Variants in TTC6 observed in about 807,000 individuals in gnomAD.
The protein encoded by TTC6 is tetratricopeptide repeat domain 6, also known as tetratricopeptide repeat protein 6.
In TTC6, 172 loss-of-function variants were observed where a neutral mutation model predicts 210.4. The ratio of observed to expected loss-of-function variants is 0.82; its 90% CI spans 0.72 to 0.93. TTC6 has a LOEUF of 0.93. Among genes scored for constraint, TTC6 ranks in the 40% least tolerant of loss-of-function variants. TTC6 has a pLI of 0.00. For synonymous variants in TTC6, 804 were observed against 819.6 expected, an observed-to-expected ratio of 0.98 and a Z score of 0.32; for missense variants, 2,414 against 2,318.1, an observed-to-expected ratio of 1.04 and a Z score of -0.85.
intron 1 of TTC6, among the ~76,000 whole-genome samples, chr14:37,600,858 AGTTTT>A (rs57891834): frequency 0.03 from 4,495 of 152,286 alleles, 175 homozygotes; most frequent in African/African-American, 0.09. Flanking sequence ...ATCAGAGGAA[AGTTTT>A]GTTTTAAGAG....
At chr14:37,700,256 G>A (rs2095822362) in intron 4 of TTC6, among the ~76,000 whole-genome samples, 1 of 152,154 alleles carries the variant, frequency 6.6e-6, no homozygotes, top group South Asian at 2.1e-4. Flanking sequence ...AGCCAGTAAT[G>A]TTGTGTTTGG....
intron 5 of TTC6, among the ~76,000 whole-genome samples, chr14:37,712,597 A>G (rs1043142091): frequency 6.6e-6 from 1 of 152,208 alleles, no homozygotes; most frequent in Non-Finnish European, 1.5e-5. Flanking sequence ...CAGGAAACTT[A>G]CAATCATGGT....
chr14:37,647,110 A>G (rs1446833273), intron 1 of TTC6, among the ~76,000 whole-genome samples: 1 of 152,198 alleles, frequency 6.6e-6, no homozygotes, highest in Non-Finnish European at 1.5e-5. Context: ...AGAAATTTCT[A>G]AATGTTCTCT....
intron 1 of TTC6, among the ~76,000 whole-genome samples, chr14:37,645,674 G>A (rs577971373): frequency 1.3e-5 from 2 of 152,256 alleles, no homozygotes; most frequent in South Asian, 4.1e-4. Context: ...CCAGGCAGAG[G>A]GAGGAGATAG....
At chr14:37,701,648 G>A in intron 5 of TTC6, 122 bp downstream of exon 7, 2 of 938,840 alleles carry the variant, frequency 2.1e-6, no homozygotes, top group East Asian at 2.8e-5. Flanking sequence ...GGAGGGAGCA[G>A]TTTTTGTTTT....
intron 26 of TTC6, among the ~76,000 whole-genome samples, chr14:37,820,899 C>T (rs1256675953): frequency 4.0e-5 from 6 of 150,762 alleles, no homozygotes; most frequent in South Asian, 4.2e-4. Flanking sequence ...TCCTCCTTCT[C>T]CTCCTTCTCC....
In TTC6 at chr14:37,598,842, A is replaced by G. The variant is rs1437294629; in HGVS notation, c.-235+2834A>G. Among the ~76,000 whole-genome samples the G allele has an allele frequency of 1.3e-5, 2 of 151,780 alleles. No individual in the cohort carries two copies. Among genetic ancestry groups the G allele is most frequent in the East Asian group, 3.9e-4 (2 of 5,136 alleles). On this transcript the variant is annotated intron_variant, in intron 1 of 2. Transcript: ENST00000556845. This position sits in a 1 kb window ranked among gnomAD's most constrained non-coding sequence, Gnocchi z 4.9. ...CCTCGCCTGCCCCCTTTCCTTGCCT[A>G]CCCTTCCCTGGACGGGGTTGTTGTC...
chr14:37,703,728 G>A (rs965673399), intron 5 of TTC6, among the ~76,000 whole-genome samples: 2 of 152,050 alleles, frequency 1.3e-5, no homozygotes, highest in Admixed American at 6.6e-5. Flanking sequence ...TATTTGAACA[G>A]CGGTGTAGTG....
At chr14:37,622,693 C>T in exon 1 of TTC6, 1 of 1,535,102 alleles carries the variant, frequency 6.5e-7, no homozygotes, top group Non-Finnish European at 8.7e-7. Context: ...TCCGTCTCCG[C>T]AGAGGACGGC....
intron 5 of TTC6, among the ~76,000 whole-genome samples, chr14:37,704,553 G>A (rs2095831781): frequency 6.6e-6 from 1 of 151,820 alleles, no homozygotes; most frequent in Non-Finnish European, 1.5e-5. Context: ...TTCCTTTTGA[G>A]AATTACCAGA....
chr14:37,605,590 C>T (rs1189027804), intron 1 of TTC6, among the ~76,000 whole-genome samples: 1 of 152,128 alleles, frequency 6.6e-6, no homozygotes, highest in Non-Finnish European at 1.5e-5. Flanking sequence ...AAGCATAAAC[C>T]AGGCATTGGT....
chr14:37,809,635 G>C (rs112865396), intron 24 of TTC6, among the ~76,000 whole-genome samples: 235 of 152,278 alleles, frequency 1.5e-3, no homozygotes, highest in Non-Finnish European at 3.0e-3. Context: ...ACATGTAGCA[G>C]GGAGGATGGA....
chr14:37,716,344 A>C, intron 6 of TTC6, among the ~76,000 whole-genome samples: 1 of 152,170 alleles, frequency 6.6e-6, no homozygotes, highest in East Asian at 1.9e-4. Context: ...ACAGACTTAA[A>C]CCCTAACTTA....
intron 5 of TTC6, among the ~76,000 whole-genome samples, chr14:37,707,312 T>A (rs1001854125): frequency 6.6e-6 from 1 of 152,078 alleles, no homozygotes. Flanking sequence ...TATATTTCAG[T>A]ATAAGACTTT....
intron 29 of TTC6, among the ~76,000 whole-genome samples, chr14:37,830,798 TA>T: frequency 6.6e-6 from 1 of 152,130 alleles, no homozygotes; most frequent in South Asian, 2.1e-4. Flanking sequence ...CAAAATGTTA[TA>T]TTTTTTATTG....
chr14:37,602,378 T>C (rs2095617310), intron 1 of TTC6, among the ~76,000 whole-genome samples: 1 of 152,254 alleles, frequency 6.6e-6, no homozygotes, highest in South Asian at 2.1e-4. Flanking sequence ...ATGATTTCCT[T>C]ACAGGACCAC....
intron 29 of TTC6, among the ~76,000 whole-genome samples, chr14:37,831,551 T>G (rs2096185191): frequency 6.6e-6 from 1 of 152,158 alleles, no homozygotes; most frequent in Non-Finnish European, 1.5e-5. Flanking sequence ...GTACTAAAGC[T>G]CCGATTCTCT....
rs190800104 is a variant in TTC6 at position 37,629,412 on chromosome 14, A to G, written c.939+6409A>G. ...TCATGATTTGGCTCTCTGTTTGTCT[A>G]TTATTGGTGTATAGGAATGCTTGTG... is the stretch of plus-strand genomic sequence containing the variant. On this transcript the variant is annotated intron_variant, in intron 1 of 30. Coordinates refer to ENST00000553443, the Ensembl canonical transcript of TTC6. Among the ~76,000 whole-genome samples, 60 of 151,554 alleles carry G rather than the reference A, an allele frequency of 4.0e-4. No individual in the cohort carries two copies. In the East Asian group the frequency reaches 5.4e-3, roughly 14 times the overall value.
At chr14:37,707,986 T>C (rs2095838552) in intron 5 of TTC6, among the ~76,000 whole-genome samples, 1 of 152,114 alleles carries the variant, frequency 6.6e-6, no homozygotes, top group South Asian at 2.1e-4. Flanking sequence ...AATTTGCCTC[T>C]ATAGTTTCTC....
Sources: allele counts gnomAD v4.1 joint callset (sites outside exome capture counted in the v4.1 genomes callset), GRCh38; gene constraint gnomAD v4.1.1; non-coding constraint Gnocchi (gnomAD v3.1); transcripts MANE v1.5; gene names NCBI Gene and HGNC (gene_info 2026-07-23, HGNC 2026-07-21).